The following GABRR2 variants were observed in gnomAD, a reference collection of about 807,000 sequenced individuals.
GABRR2 encodes the protein gamma-aminobutyric acid receptor subunit rho-2.
GABRR2 carries 36 observed loss-of-function variants against 47.0 expected under a neutral mutation model. The ratio of observed to expected loss-of-function variants is 0.77; its 90% confidence interval spans 0.59 to 1.01. The LOEUF (loss-of-function observed/expected upper bound fraction) is 1.01. GABRR2 is among the 50% of genes least tolerant of loss of function. The probability of loss-of-function intolerance (pLI) is 0.00; values close to 1 mark genes in which losing one functional copy is unlikely to be tolerated. For synonymous variants in GABRR2, 204 were observed against 227.5 expected, an observed-to-expected ratio of 0.90 and a Z score of 0.93; for missense variants, 587 against 594.6, an observed-to-expected ratio of 0.99 and a Z score of 0.13.
chr6:89,292,831 TATATACG>T lies in GABRR2; in HGVS notation c.220+6921_220+6927del, dbSNP rs1255773686. Among the ~76,000 whole-genome samples, 5 of 101,156 alleles carry T rather than the reference TATATACG, an allele frequency of 4.9e-5. 1 individual carries two copies. Among genetic ancestry groups the T allele is most frequent in the Admixed American group, 3.4e-4 (3 of 8,894 alleles). The allele number at this position is 101,156 out of a possible 152,430, so 66.4% of individuals were successfully genotyped here. A position where few individuals can be genotyped will look rare whatever the true frequency, so the allele number is the denominator to read the frequency against. On this transcript the variant is annotated intron_variant, in intron 2 of 8. Coordinates refer to ENST00000402938, the MANE Select transcript of GABRR2 (RefSeq NM_002043.5). ...TATATACGATATATCGTATATATCG[TATATACG>T]ATATATCGTATATATCATATATTAT...
At chr6:89,291,866 GGCTCTTCCCCAGGGCA>G (rs1409124878) in intron 2 of GABRR2, among the ~76,000 whole-genome samples, 5 of 152,254 alleles carry the variant, frequency 3.3e-5, no homozygotes, top group Non-Finnish European at 7.4e-5. Context: ...AGGCAAGGGC[GGCTCTTCCCCAGGGCA>G]GCCCTTCCCT....
intron 2 of GABRR2, among the ~76,000 whole-genome samples, chr6:89,281,332 A>T (rs1774252543): frequency 6.6e-6 from 1 of 152,128 alleles, no homozygotes; most frequent in Non-Finnish European, 1.5e-5. Flanking sequence ...AGGATCAGTG[A>T]AGTCCAACGA....
At chr6:89,301,809 C>T in intron 1 of GABRR2, 6 of 894,480 alleles carry the variant, frequency 6.7e-6, no homozygotes, top group Middle Eastern at 2.2e-4. Context: ...ACATTCAGGC[C>T]GGCCAGTGCG....
chr6:89,294,816 G>A (rs2127845583), intron 2 of GABRR2, among the ~76,000 whole-genome samples: 1 of 125,936 alleles, frequency 7.9e-6, no homozygotes, highest in South Asian at 2.6e-4. Flanking sequence ...ACAGGCCCTG[G>A]TGTGTGATGT....
chr6:89,292,781 TATATACG>T (rs1774483246), intron 2 of GABRR2, among the ~76,000 whole-genome samples: 1 of 31,756 alleles, frequency 3.1e-5, no homozygotes, highest in Non-Finnish European at 5.4e-5. Flanking sequence ...GTATATATCG[TATATACG>T]ATATATCGTA....
intron 2 of GABRR2, among the ~76,000 whole-genome samples, chr6:89,290,712 C>T (rs1054450815): frequency 6.6e-5 from 10 of 152,158 alleles, no homozygotes; most frequent in Admixed American, 2.6e-4. Context: ...AAGTGCCAGT[C>T]GGTATCAGAA....
At chr6:89,259,410 C>T (rs551575826) in intron 8 of GABRR2, among the ~76,000 whole-genome samples, 33 of 151,998 alleles carry the variant, frequency 2.2e-4, no homozygotes, top group Admixed American at 5.2e-4. Flanking sequence ...AGAAATTGTT[C>T]GTGGTTTGGG....
intron 2 of GABRR2, among the ~76,000 whole-genome samples, chr6:89,297,320 G>T (rs1296380150): frequency 6.6e-6 from 1 of 152,158 alleles, no homozygotes; most frequent in Non-Finnish European, 1.5e-5. Context: ...GCCGCCTAAT[G>T]AATATGTCAG....
intron 2 of GABRR2, among the ~76,000 whole-genome samples, chr6:89,288,709 T>C (rs963340230): frequency 6.6e-6 from 1 of 152,198 alleles, no homozygotes; most frequent in Non-Finnish European, 1.5e-5. Context: ...GGAATACAGA[T>C]AGCTCACTCC....
At chr6:89,307,976 C>T (rs1767600111) in intron 1 of GABRR2, among the ~76,000 whole-genome samples, 1 of 151,994 alleles carries the variant, frequency 6.6e-6, no homozygotes, top group African/African-American at 2.4e-5. Context: ...GCCACCACAC[C>T]CAGCTAATTT....
chr6:89,282,243 G>A (rs889262467), intron 2 of GABRR2, among the ~76,000 whole-genome samples: 1 of 152,058 alleles, frequency 6.6e-6, no homozygotes, highest in African/African-American at 2.4e-5. Context: ...TACTGATCTT[G>A]CTCTCCAGAA....
chr6:89,302,988 C>T (rs574984458), intron 1 of GABRR2: 45 of 1,297,908 alleles, frequency 3.5e-5, no homozygotes, highest in East Asian at 1.2e-4. Flanking sequence ...TGGAGATCAC[C>T]GAGGCCAAGA....
At position 89,278,619 on chromosome 6, in the gene GABRR2, G is replaced by A. The variant is rs574990932; in HGVS notation, c.221-6897C>T. Among the ~76,000 whole-genome samples the A allele has an allele frequency of 3.9e-5, 6 of 152,322 alleles. No individual in the cohort carries two copies. In the South Asian group the frequency reaches 1.2e-3, roughly 32 times the overall value. On this transcript the variant is annotated intron_variant, in intron 2 of 8. Transcript: ENST00000402938. Reference sequence around the variant, plus strand: ...TCTAGGGGGCTTTTCCTGAGCCCCTGGGTAAGGTTGTGGGGTCCCCACAGT... The same window carrying A: ...TCTAGGGGGCTTTTCCTGAGCCCCTAGGTAAGGTTGTGGGGTCCCCACAGT...
At chr6:89,292,349 TATA>T (rs1774458271) in intron 2 of GABRR2, among the ~76,000 whole-genome samples, 1 of 7,668 alleles carries the variant, frequency 1.3e-4, no homozygotes, top group African/African-American at 1.8e-3. Context: ...AAAAATTTTA[TATA>T]TATATATATA....
intron 1 of GABRR2, among the ~76,000 whole-genome samples, chr6:89,308,236 A>C (rs913764564): frequency 1.3e-5 from 2 of 152,210 alleles, no homozygotes; most frequent in Non-Finnish European, 2.9e-5. Context: ...CTTAAGTTTC[A>C]TTCCTCACCG....
intron 2 of GABRR2, among the ~76,000 whole-genome samples, chr6:89,289,711 G>A (rs528080053): frequency 6.6e-6 from 1 of 152,078 alleles, no homozygotes; most frequent in African/African-American, 2.4e-5. Flanking sequence ...GAGGAGGAGG[G>A]CAAAATCAAC....
intron 2 of GABRR2, among the ~76,000 whole-genome samples, chr6:89,285,904 T>C (rs1774327741): frequency 6.6e-6 from 1 of 151,942 alleles, no homozygotes; most frequent in Non-Finnish European, 1.5e-5. Flanking sequence ...GTGCCCTGCT[T>C]GAAACTCCCT....
At chr6:89,307,267 AT>A in intron 1 of GABRR2, among the ~76,000 whole-genome samples, 1 of 152,128 alleles carries the variant, frequency 6.6e-6, no homozygotes, top group Admixed American at 6.5e-5. Context: ...TTCCCTAGCT[AT>A]TCCCATGCAA....
intron 2 of GABRR2, among the ~76,000 whole-genome samples, chr6:89,291,587 G>C (rs1341273797): frequency 1.3e-5 from 2 of 151,810 alleles, no homozygotes; most frequent in African/African-American, 4.8e-5. Flanking sequence ...CTCACCGCTG[G>C]TGCTCACACA....
Sources: allele counts gnomAD v4.1 joint callset (sites outside exome capture counted in the v4.1 genomes callset), GRCh38; gene constraint gnomAD v4.1.1; transcripts MANE v1.5; gene names NCBI Gene and HGNC (gene_info 2026-07-23, HGNC 2026-07-21).